The following NCOA2 variants were observed in gnomAD, a reference collection of about 807,000 sequenced individuals.
NCOA2 encodes the protein class E basic helix-loop-helix protein 75.
NCOA2 carries 21 observed loss-of-function variants against 145.1 expected under a neutral mutation model. That is an observed-to-expected ratio of 0.14 (90% confidence interval 0.10 to 0.21). The LOEUF is 0.21. Among genes scored for constraint, NCOA2 ranks in the 10% least tolerant of loss-of-function variants. NCOA2 has a pLI of 1.00. For synonymous variants in NCOA2, 619 were observed against 637.5 expected (o/e 0.97, Z 0.44); for missense variants, 1,472 against 1,837.6 (o/e 0.80, Z 3.64).
chr8:70,320,970 G>A (rs1806004531), intron 1 of NCOA2, among the ~76,000 whole-genome samples: 1 of 149,296 alleles, frequency 6.7e-6, no homozygotes, highest in African/African-American at 2.4e-5. Context: ...TTATCACACT[G>A]ATTAAATGAA....
intron 2 of NCOA2, among the ~76,000 whole-genome samples, chr8:70,252,698 T>C (rs773660912): frequency 2.0e-5 from 3 of 152,216 alleles, no homozygotes; most frequent in Non-Finnish European, 4.4e-5. Flanking sequence ...ATTAAGGTTT[T>C]TATGTCTTTT....
intron 22 of NCOA2, among the ~76,000 whole-genome samples, chr8:70,114,060 A>T (rs768867172): frequency 5.5e-4 from 83 of 152,214 alleles, no homozygotes; most frequent in Non-Finnish European, 1.0e-3. Context: ...TTCTTCCTCA[A>T]ATTCATCCAG....
At chr8:70,435,424 C>CAAAAAAAA in the NCOA2 span, among the ~76,000 whole-genome samples, 1,521 of 20,154 alleles carry the variant, frequency 0.075, 176 homozygotes, top group East Asian at 0.12. Flanking sequence ...GACTCCGTCT[C>CAAAAAAAA]AAAAAAAAAA....
At chr8:70,328,527 C>G (rs983394600) in intron 1 of NCOA2, among the ~76,000 whole-genome samples, 1 of 152,072 alleles carries the variant, frequency 6.6e-6, no homozygotes, top group Non-Finnish European at 1.5e-5. Context: ...CAAGTGGTTT[C>G]TAGAATACTG....
At chr8:70,402,494 G>A (rs1259346029) in intron 1 of NCOA2, 1 of 152,128 alleles carries the variant, frequency 6.6e-6, no homozygotes, top group Non-Finnish European at 1.5e-5. Context: ...ACCAGGGACC[G>A]ACCCACCCCC....
intron 9 of NCOA2, among the ~76,000 whole-genome samples, chr8:70,161,386 A>G (rs1812980069): frequency 6.6e-6 from 1 of 152,204 alleles, no homozygotes; most frequent in African/African-American, 2.4e-5. Flanking sequence ...TAGGTTAAAT[A>G]TTGATTTCTG....
chr8:70,282,888 C>G (rs1323831787), intron 2 of NCOA2, among the ~76,000 whole-genome samples: 1 of 152,068 alleles, frequency 6.6e-6, no homozygotes, highest in African/African-American at 2.4e-5. Flanking sequence ...TCTCAGTGTC[C>G]CCATTTTCTA....
intron 4 of NCOA2, among the ~76,000 whole-genome samples, chr8:70,212,422 T>G (rs1267974161): frequency 1.3e-5 from 2 of 152,088 alleles, no homozygotes; most frequent in African/African-American, 4.8e-5. Context: ...AAATGGGCAC[T>G]GGGAGAAGAA....
chr8:70,292,256 G>A (rs1208000761), intron 2 of NCOA2, among the ~76,000 whole-genome samples: 3 of 151,282 alleles, frequency 2.0e-5, no homozygotes, highest in Non-Finnish European at 4.4e-5. Context: ...GGGTTCAAGC[G>A]ATTCTCCCAC....
intron 2 of NCOA2, among the ~76,000 whole-genome samples, chr8:70,266,926 A>C (rs1402787116): frequency 6.6e-6 from 1 of 152,236 alleles, no homozygotes; most frequent in Admixed American, 6.5e-5. Flanking sequence ...TTTATTCCAC[A>C]GGGCAATAAC....
At chr8:70,193,176 C>T (rs1298391040) in intron 4 of NCOA2, among the ~76,000 whole-genome samples, 2 of 150,022 alleles carry the variant, frequency 1.3e-5, no homozygotes, top group Non-Finnish European at 3.0e-5. Flanking sequence ...TCTAAAAGAA[C>T]TATCTATCAT....
intron 2 of NCOA2, among the ~76,000 whole-genome samples, chr8:70,281,214 C>T (rs1825848002): frequency 6.6e-6 from 1 of 151,756 alleles, no homozygotes; most frequent in Non-Finnish European, 1.5e-5. Flanking sequence ...ATTAGCTGGG[C>T]ATGGTGGCAC....
intron 13 of NCOA2, among the ~76,000 whole-genome samples, chr8:70,143,282 G>T (rs1366742338): frequency 6.6e-6 from 1 of 151,992 alleles, no homozygotes; most frequent in Admixed American, 6.6e-5. Flanking sequence ...TGAGAGTATT[G>T]TATGATCTTC....
chr8:70,240,998 A>G (rs1410480578), intron 2 of NCOA2, among the ~76,000 whole-genome samples: 2 of 152,152 alleles, frequency 1.3e-5, no homozygotes, highest in Non-Finnish European at 2.9e-5. Flanking sequence ...CTTATGTCCT[A>G]CCAAGGAAGG....
chr8:70,340,373 A>T (rs1808016419), intron 1 of NCOA2, among the ~76,000 whole-genome samples: 2 of 152,206 alleles, frequency 1.3e-5, no homozygotes, highest in Admixed American at 6.5e-5. Flanking sequence ...GAGAAATGCA[A>T]ATCAAAACCA....
chr8:70,420,464 T>C, the NCOA2 span, among the ~76,000 whole-genome samples: 2 of 152,124 alleles, frequency 1.3e-5, no homozygotes, highest in Non-Finnish European at 2.9e-5. Flanking sequence ...AGAACTACTA[T>C]GCTAACTAAG....
the NCOA2 span, among the ~76,000 whole-genome samples, chr8:70,435,403 C>G: frequency 1.4e-4 from 15 of 106,868 alleles, no homozygotes; most frequent in Middle Eastern, 0.012. Context: ...CCAGCTTGGG[C>G]GAAAGAGTGA....
At chr8:70,123,744 G>A in intron 21 of NCOA2, 140 bp downstream of exon 21, 1 of 598,056 alleles carries the variant, frequency 1.7e-6, no homozygotes, top group Non-Finnish European at 2.8e-6. Context: ...ACTAACACAG[G>A]TGAAGGGTGA....
chr8:70,403,883 T>G, upstream of NCOA2: 1 of 378,070 alleles, frequency 2.6e-6, no homozygotes. Context: ...CTCCTCCGCG[T>G]CTCCGCACTT....
Sources: allele counts gnomAD v4.1 joint callset (sites outside exome capture counted in the v4.1 genomes callset), GRCh38; gene constraint gnomAD v4.1.1; transcripts MANE v1.5; gene names NCBI Gene and HGNC (gene_info 2026-07-23, HGNC 2026-07-21).